NIPAL4: variants seen among roughly 807,000 people sequenced by gnomAD.
NIPAL4 encodes NIPA like domain containing 4, also known as magnesium transporter NIPA4.
NIPAL4 carries 21 observed loss-of-function variants against 31.6 expected under a neutral mutation model. The observed-to-expected ratio is 0.67, with a 90% CI of 0.47 to 0.96. The LOEUF (loss-of-function observed/expected upper bound fraction) is 0.96, where lower values mean the gene tolerates loss of function less well. NIPAL4 is among the 40% of genes least tolerant of loss of function. The pLI is 0.00. For missense variants in NIPAL4, 438 were observed against 508.0 expected (o/e 0.86, Z 1.32); for synonymous variants, 175 against 211.1 (o/e 0.83, Z 1.48).
chr5:157,460,250 G>C lies in NIPAL4; in HGVS notation c.-71G>C. ...GCGAGCCACGCGGGGGACAAGTCGC[G>C]GCCACCTGCTCCGGAGCTGGGGAGC... is the stretch of plus-strand genomic sequence containing the variant. On this transcript the variant is annotated 5_prime_UTR_variant, in exon 1 of 6. Transcript: ENST00000311946. 6.5e-7 allele frequency: 1 copy of C among 1,532,948 alleles called. No homozygotes were observed. Among genetic ancestry groups the C allele is most frequent in the Non-Finnish European group, 8.8e-7 (1 of 1,140,230 alleles). 95.0% of individuals were successfully genotyped at this position (1,532,948 alleles called of 1,614,324 possible). A position where few individuals can be genotyped will look rare whatever the true frequency, so the allele number is the denominator to read the frequency against.
At chr5:157,468,997 A>G (rs1218385524) in intron 4 of NIPAL4, among the ~76,000 whole-genome samples, 185 bp downstream of exon 4, 2 of 152,170 alleles carry the variant, frequency 1.3e-5, no homozygotes, top group Non-Finnish European at 2.9e-5. Context: ...CTCTTGCCCT[A>G]GCATCCCCTT....
intron 2 of NIPAL4, among the ~76,000 whole-genome samples, 196 bp downstream of exon 2, chr5:157,463,529 A>T (rs1754169284): frequency 6.6e-6 from 1 of 152,202 alleles, no homozygotes; most frequent in Non-Finnish European, 1.5e-5. Flanking sequence ...CAGTTTAGAG[A>T]GCAAACAGGA....
intron 4 of NIPAL4, among the ~76,000 whole-genome samples, chr5:157,470,533 T>C (rs545896081): frequency 6.6e-6 from 1 of 152,334 alleles, no homozygotes; most frequent in South Asian, 2.1e-4. Flanking sequence ...GGAGATAGTA[T>C]ATTTCACTTT....
In NIPAL4 at chr5:157,460,221, G is replaced by T; in HGVS notation, c.-100G>T. ...TGGGTCCGGACCCCGGCGGCTTCTC[G>T]CGCGCGAGCCACGCGGGGGACAAGT... is the stretch of plus-strand genomic sequence containing the variant. On this transcript the variant is annotated 5_prime_UTR_variant, in exon 1 of 6. Transcript: ENST00000311946. 6.7e-7 allele frequency: 1 copy of T among 1,493,074 alleles called. No individual in the cohort carries two copies. Among genetic ancestry groups the T allele is most frequent in the Non-Finnish European group, 8.9e-7 (1 of 1,124,616 alleles). 92.5% of individuals were successfully genotyped at this position (1,493,074 alleles called of 1,614,324 possible). A position where few individuals can be genotyped will look rare whatever the true frequency, so the allele number is the denominator to read the frequency against.
intron 4 of NIPAL4, among the ~76,000 whole-genome samples, chr5:157,469,935 A>C (rs1754379089): frequency 6.6e-6 from 1 of 152,216 alleles, no homozygotes; most frequent in Admixed American, 6.5e-5. Flanking sequence ...TTAGTTTGCA[A>C]ATTCCTACCC....
At chr5:157,471,881 A>T in intron 5 of NIPAL4, 64 bp downstream of exon 5, 1 of 1,328,760 alleles carries the variant, frequency 7.5e-7, no homozygotes, top group Non-Finnish European at 1.1e-6. Flanking sequence ...ACTACCCCAC[A>T]AAAGGTCAGG....
In NIPAL4 at chr5:157,473,076, G is replaced by C; in HGVS notation, c.*116G>C. The C allele has an allele frequency of 1.1e-6, 1 of 874,212 alleles. No individual in the cohort carries two copies. Among genetic ancestry groups the C allele is most frequent in the African/African-American group, 1.7e-5 (1 of 59,982 alleles). 54.2% of individuals were successfully genotyped at this position (874,212 alleles called of 1,614,324 possible). ...TTACCAATGGGCTCTCTTTTCTTGA[G>C]AAGTTCATTTATACCTCATCACTGT... is the stretch of plus-strand genomic sequence containing the variant. On this transcript the variant is annotated 3_prime_UTR_variant, in exon 6 of 6. Transcript: ENST00000311946.
intron 5 of NIPAL4, 88 bp downstream of exon 5, chr5:157,471,905 AC>A: frequency 1.0e-6 from 1 of 994,978 alleles, no homozygotes; most frequent in Non-Finnish European, 1.6e-6. Flanking sequence ...GGTTCTGACC[AC>A]CTCAGGTGCT....
rs1754509342 is a variant in NIPAL4 at position 157,473,808 on chromosome 5, C to T, written c.*848C>T. ...ATTTTGTCTTACTCTGAAAGAAGAA[C>T]AGCAAATTCACTGCTTCAAAGTGGC... On this transcript the variant is annotated 3_prime_UTR_variant, in exon 6 of 6. Coordinates refer to ENST00000311946, the MANE Select transcript of NIPAL4 (RefSeq NM_001099287.2). 1 of 152,236 alleles carries T rather than the reference C, an allele frequency of 6.6e-6. No homozygotes were observed. The highest frequency in any genetic ancestry group is 6.5e-5 in the Admixed American group (1 of 15,282). The allele number at this position is 152,236 out of a possible 1,614,324, so 9.4% of individuals were successfully genotyped here. A position where few individuals can be genotyped will look rare whatever the true frequency, so the allele number is the denominator to read the frequency against.
At chr5:157,466,998 G>A (rs767762682) in intron 2 of NIPAL4, 51 bp from the exon 3 acceptor site, 231 of 1,411,640 alleles carry the variant, frequency 1.6e-4, no homozygotes, top group Non-Finnish European at 2.3e-4. Flanking sequence ...AAAGGTACCT[G>A]AGAAAGTGTG....
chr5:157,470,578 G>A (rs1377224135), intron 4 of NIPAL4, among the ~76,000 whole-genome samples: 1 of 152,198 alleles, frequency 6.6e-6, no homozygotes, highest in East Asian at 1.9e-4. Flanking sequence ...TGATAGACGG[G>A]AAGTTCCTAG....
intron 2 of NIPAL4, 100 bp downstream of exon 2, chr5:157,463,433 G>A (rs904574351): frequency 4.3e-5 from 58 of 1,364,216 alleles, no homozygotes; most frequent in Non-Finnish European, 5.3e-5. Context: ...AGGTACAAAA[G>A]GCTCATTGTC....
Position 157,463,158 on chromosome 5 carries a change from CCCTGAGGTG to C in NIPAL4, c.105_113del (p.Glu36_Pro38del), listed in dbSNP as rs1754153951. 5.0e-6 allele frequency: 8 copies of C among 1,613,908 alleles called. No individual in the cohort carries two copies. Among genetic ancestry groups the C allele is most frequent in the Non-Finnish European group, 6.8e-6 (8 of 1,179,792 alleles). Reference sequence around the variant, plus strand: ...TGTGCCAGATTGTCAATGACCTCAGCCCTGAGGTGCCCAGCAATGCCACCTTTCACAGCT... The same window carrying C: ...TGTGCCAGATTGTCAATGACCTCAGCCCCAGCAATGCCACCTTTCACAGCT... On this transcript the variant is annotated inframe_deletion, in exon 2 of 6. Transcript: ENST00000311946.
chr5:157,466,340 G>T (rs1167280425), intron 2 of NIPAL4, among the ~76,000 whole-genome samples: 1 of 152,242 alleles, frequency 6.6e-6, no homozygotes, highest in African/African-American at 2.4e-5. Context: ...AGGGCCAAAA[G>T]TATGCATGCT....
chr5:157,468,686 C>A (rs538201905), intron 3 of NIPAL4, 36 bp from the exon 4 acceptor site: 1 of 1,223,610 alleles, frequency 8.2e-7, no homozygotes, highest in Non-Finnish European at 1.2e-6. Flanking sequence ...GGTGCTTCTG[C>A]GCCATGCTAG....
chr5:157,460,360 G>A lies in NIPAL4; in HGVS notation c.37+3G>A. 2.6e-6 allele frequency: 4 copies of A among 1,544,466 alleles called. No individual in the cohort carries two copies. Among genetic ancestry groups the A allele is most frequent in the Non-Finnish European group, 3.5e-6 (4 of 1,145,620 alleles). ...CAGCAACACCAGCTGCGAGAACGGT[G>A]CGTACGGCAGGGCTGGGGACCAGGC... is the stretch of plus-strand genomic sequence containing the variant. On this transcript the variant is annotated splice_donor_region_variant and intron_variant, in intron 1 of 5. Coordinates refer to ENST00000311946, the MANE Select transcript of NIPAL4 (RefSeq NM_001099287.2).
chr5:157,469,923 G>A (rs1754378889), intron 4 of NIPAL4, among the ~76,000 whole-genome samples: 1 of 152,180 alleles, frequency 6.6e-6, no homozygotes, highest in Non-Finnish European at 1.5e-5. Context: ...TTGCATATCT[G>A]ATTAGTTTGC....
chr5:157,461,732 T>G (rs966323133), intron 1 of NIPAL4, among the ~76,000 whole-genome samples: 24 of 152,242 alleles, frequency 1.6e-4, no homozygotes, highest in Non-Finnish European at 2.9e-4. Context: ...AAAAGACACA[T>G]GGATGTGCCC....
chr5:157,469,069 G>C (rs1754356675), intron 4 of NIPAL4, among the ~76,000 whole-genome samples: 1 of 152,208 alleles, frequency 6.6e-6, no homozygotes, highest in South Asian at 2.1e-4. Flanking sequence ...ACCGTCACCA[G>C]GGTGAACGGC....
Sources: allele counts gnomAD v4.1 joint callset (sites outside exome capture counted in the v4.1 genomes callset), GRCh38; gene constraint gnomAD v4.1.1; transcripts MANE v1.5; gene names NCBI Gene and HGNC (gene_info 2026-07-23, HGNC 2026-07-21).